CCDC68: variants seen among roughly 807,000 people sequenced by gnomAD.
CCDC68 encodes the protein coiled-coil domain containing 68.
CCDC68 carries 45 observed loss-of-function variants against 47.1 expected under a neutral mutation model. The ratio of observed to expected loss-of-function variants is 0.96; its 90% confidence interval spans 0.75 to 1.23. The LOEUF is 1.23. CCDC68 is among the 50% of genes most tolerant of loss of function. The pLI is 0.00. For missense variants in CCDC68, 353 were observed against 373.6 expected, an observed-to-expected ratio of 0.94 and a Z score of 0.45; for synonymous variants, 131 against 129.5, an observed-to-expected ratio of 1.01 and a Z score of -0.08.
chr18:54,919,159 G>A (rs2044008361), intron 9 of CCDC68, 112 bp downstream of exon 9: 1 of 788,494 alleles, frequency 1.3e-6, no homozygotes, highest in African/African-American at 1.7e-5. Context: ...AAAAGGATAT[G>A]TCAGTAGGGA....
intron 10 of CCDC68, among the ~76,000 whole-genome samples, chr18:54,908,946 G>A (rs1217359439): frequency 6.6e-6 from 1 of 152,140 alleles, no homozygotes; most frequent in African/African-American, 2.4e-5. Flanking sequence ...CTGGACTTGA[G>A]CAGTCCACCT....
chr18:54,934,619 C>A (rs568544163), intron 7 of CCDC68, among the ~76,000 whole-genome samples: 25 of 152,198 alleles, frequency 1.6e-4, no homozygotes, highest in Admixed American at 1.6e-3. Context: ...AAAGGTAAAT[C>A]AATCACCACA....
rs908400920 is a variant in CCDC68, at chr18:54,901,801, T to C, written c.*2557A>G. On this transcript the variant is annotated 3_prime_UTR_variant, in exon 12 of 12. Coordinates refer to ENST00000591504, the MANE Select transcript of CCDC68 (RefSeq NM_025214.3). ...ATTATTTGGAATAAAACTGAACTAGTGTTTCTTTTCCTATATTTCCTGTGA... is the reference window on the plus strand; with the variant it reads ...ATTATTTGGAATAAAACTGAACTAGCGTTTCTTTTCCTATATTTCCTGTGA... 2 of 152,208 alleles carry C rather than the reference T, an allele frequency of 1.3e-5. No homozygotes were observed. Among genetic ancestry groups the C allele is most frequent in the Non-Finnish European group, 2.9e-5 (2 of 68,038 alleles). 9.4% of individuals were successfully genotyped at this position (152,208 alleles called of 1,614,324 possible). A position where few individuals can be genotyped will look rare whatever the true frequency, so the allele number is the denominator to read the frequency against.
At chr18:54,954,563 T>G (rs745805076) in intron 1 of CCDC68, 5 of 152,162 alleles carry the variant, frequency 3.3e-5, no homozygotes, top group African/African-American at 7.2e-5. Flanking sequence ...AGCAGGTGCT[T>G]ACAGCTCAAT....
chr18:54,906,440 C>A (rs1373748162), intron 11 of CCDC68, among the ~76,000 whole-genome samples: 1 of 152,172 alleles, frequency 6.6e-6, no homozygotes, highest in Non-Finnish European at 1.5e-5. Flanking sequence ...CAACATGACC[C>A]CTATATACCA....
chr18:54,905,339 G>A (rs1326044283), intron 11 of CCDC68, among the ~76,000 whole-genome samples: 1 of 141,206 alleles, frequency 7.1e-6, no homozygotes, highest in Non-Finnish European at 1.5e-5. Context: ...AGGGCAGAGA[G>A]TGGGAAGGAG....
intron 4 of CCDC68, among the ~76,000 whole-genome samples, 187 bp downstream of exon 4, chr18:54,940,810 C>A (rs2044423995): frequency 6.6e-6 from 1 of 152,196 alleles, no homozygotes; most frequent in African/African-American, 2.4e-5. Flanking sequence ...TAAGGCCTAG[C>A]CATTCCAATT....
chr18:54,945,022 T>A (rs189772943), intron 2 of CCDC68, among the ~76,000 whole-genome samples: 382 of 152,346 alleles, frequency 2.5e-3, no homozygotes, highest in Non-Finnish European at 8.1e-4. Flanking sequence ...GTTGTAATTT[T>A]GCTAGCTGTG....
intron 7 of CCDC68, 133 bp downstream of exon 7, chr18:54,934,687 A>T (rs1380874415): frequency 1.5e-6 from 1 of 657,952 alleles, no homozygotes; most frequent in African/African-American, 1.9e-5. Context: ...TCCTAAGGCC[A>T]AGAATTGTAA....
chr18:54,930,590 C>CCTTT (rs1472748376), intron 7 of CCDC68, among the ~76,000 whole-genome samples: 2 of 62,608 alleles, frequency 3.2e-5, no homozygotes, highest in Non-Finnish European at 6.7e-5. Flanking sequence ...ATACTCACTC[C>CCTTT]CTTCCTTCCT....
intron 8 of CCDC68, among the ~76,000 whole-genome samples, chr18:54,927,946 G>A (rs1323436755): frequency 6.6e-6 from 1 of 152,174 alleles, no homozygotes; most frequent in Non-Finnish European, 1.5e-5. Context: ...GAAAGACTGA[G>A]AAAGAGGGAT....
Position 54,907,816 on chromosome 18 carries a change from C to T in CCDC68, c.920G>A (p.Arg307Lys). Reference protein sequence around the residue: ...TQVALSSETPRTKVSKAVSTS... With the variant: ...TQVALSSETPKTKVSKAVSTS... Reference sequence around the variant, plus strand: ...AGAGACAGCCTTAGATACCTTTGTCCTAGGAGTTTCAGATGAAAGTGCTAC... The same window carrying T: ...AGAGACAGCCTTAGATACCTTTGTCTTAGGAGTTTCAGATGAAAGTGCTAC... The change falls in exon 11 of 12, where the codon AGG becomes AAG. Residue 307 changes from arginine to lysine, a missense_variant. Coordinates refer to ENST00000591504, the MANE Select transcript of CCDC68 (RefSeq NM_025214.3). 6.2e-7 allele frequency: 1 copy of T among 1,608,438 alleles called. No homozygotes were observed. The highest frequency in any genetic ancestry group is 8.5e-7 in the Non-Finnish European group (1 of 1,174,862).
chr18:54,930,516 T>C (rs2044223448), intron 7 of CCDC68, among the ~76,000 whole-genome samples: 1 of 152,136 alleles, frequency 6.6e-6, no homozygotes, highest in Non-Finnish European at 1.5e-5. Context: ...ATAGTATTCT[T>C]GCCAGATAGA....
chr18:54,936,242 T>C (rs1454214401), intron 6 of CCDC68, among the ~76,000 whole-genome samples: 1 of 143,482 alleles, frequency 7.0e-6, no homozygotes, highest in Admixed American at 7.0e-5. Flanking sequence ...TTAAAAAATA[T>C]ATAGTTATAT....
chr18:54,916,903 T>C (rs2043962603), intron 10 of CCDC68, among the ~76,000 whole-genome samples: 1 of 152,192 alleles, frequency 6.6e-6, no homozygotes, highest in Admixed American at 6.5e-5. Flanking sequence ...TCTCACAAGA[T>C]CTAATGGTTT....
At chr18:54,919,864 C>A (rs370505343) in intron 8 of CCDC68, among the ~76,000 whole-genome samples, 2 of 152,072 alleles carry the variant, frequency 1.3e-5, no homozygotes, top group Admixed American at 6.6e-5. Flanking sequence ...CTGTGTTTGT[C>A]TTTTTTTATT....
intron 1 of CCDC68, among the ~76,000 whole-genome samples, chr18:54,953,086 A>T (rs1020553311): frequency 6.6e-6 from 1 of 152,168 alleles, no homozygotes; most frequent in African/African-American, 2.4e-5. Flanking sequence ...TGCTAACTGA[A>T]ACAGCCAAAT....
intron 4 of CCDC68, 93 bp downstream of exon 4, chr18:54,940,904 T>G: frequency 1.2e-6 from 1 of 815,628 alleles, no homozygotes; most frequent in South Asian, 1.6e-5. Flanking sequence ...TCAACACTCA[T>G]CCTTCGAATC....
chr18:54,907,931 A>G (rs1023330775), intron 10 of CCDC68, 69 bp from the exon 11 acceptor site: 59 of 886,814 alleles, frequency 6.7e-5, no homozygotes, highest in Non-Finnish European at 1.0e-4. Context: ...CAATGCTTCT[A>G]TTCAACCCAA....
Sources: gnomAD v4.1 joint callset for allele counts (sites outside exome capture counted in the v4.1 genomes callset) on GRCh38, gnomAD v4.1.1 for gene constraint, MANE v1.5 for transcripts, NCBI Gene and HGNC (gene_info 2026-07-23, HGNC 2026-07-21) for gene names.